Variants in TYW1 observed in about 807,000 individuals in gnomAD.
TYW1 encodes the protein tRNA-yW synthesizing protein 1 homolog.
TYW1 carries 46 observed loss-of-function variants against 96.2 expected under a neutral mutation model. That is an observed-to-expected ratio of 0.48 (90% confidence interval 0.38 to 0.61). The LOEUF (loss-of-function observed/expected upper bound fraction) is 0.61, where lower values mean the gene tolerates loss of function less well. Ranked by LOEUF, TYW1 falls within the 20% of genes least tolerant of loss-of-function variation. The pLI is 0.00. For synonymous variants in TYW1, 274 were observed against 323.0 expected (o/e 0.85, Z 1.63); for missense variants, 684 against 909.6 (o/e 0.75, Z 3.19).
intron 13 of TYW1, among the ~76,000 whole-genome samples, chr7:67,143,054 CAA>C (rs35144189): frequency 2.9e-5 from 4 of 136,348 alleles, no homozygotes; most frequent in Admixed American, 1.5e-4. Flanking sequence ...AACTCCATCT[CAA>C]AAAAAAAAAA....
intron 7 of TYW1, among the ~76,000 whole-genome samples, chr7:67,035,734 A>G (rs540872426): frequency 8.2e-4 from 125 of 152,226 alleles, no homozygotes; most frequent in Middle Eastern, 3.4e-3. Context: ...GCCAGAGTAC[A>G]GTGGCGCCAT....
chr7:67,002,474 G>A (rs1008859443), intron 3 of TYW1, among the ~76,000 whole-genome samples: 2 of 152,202 alleles, frequency 1.3e-5, no homozygotes, highest in African/African-American at 4.8e-5. Context: ...CTCAGAAGGC[G>A]TAGCTTCATT....
intron 14 of TYW1, among the ~76,000 whole-genome samples, chr7:67,193,213 C>T (rs1484342550): frequency 6.6e-6 from 1 of 152,182 alleles, no homozygotes; most frequent in Non-Finnish European, 1.5e-5. Flanking sequence ...CTGTAGGGCA[C>T]AGTTTCAGCT....
chr7:67,075,291 T>A (rs1562999025), intron 10 of TYW1, among the ~76,000 whole-genome samples: 2 of 152,338 alleles, frequency 1.3e-5, no homozygotes, highest in South Asian at 2.1e-4. Context: ...AAATTTTGAA[T>A]CAAGGGTTTT....
intron 12 of TYW1, among the ~76,000 whole-genome samples, chr7:67,108,556 C>G (rs1406432606): frequency 6.6e-6 from 1 of 151,854 alleles, no homozygotes; most frequent in African/African-American, 2.4e-5. Flanking sequence ...ATTCTCCCAC[C>G]TCACCATCCC....
intron 6 of TYW1, among the ~76,000 whole-genome samples, chr7:67,020,942 C>A (rs953988716): frequency 6.6e-6 from 1 of 152,268 alleles, no homozygotes; most frequent in African/African-American, 2.4e-5. Flanking sequence ...GCAGGAGAAT[C>A]GCTTGAACTT....
intron 15 of TYW1, among the ~76,000 whole-genome samples, chr7:67,208,520 T>C (rs1800887888): frequency 6.6e-6 from 1 of 151,688 alleles, no homozygotes; most frequent in Non-Finnish European, 1.5e-5. Flanking sequence ...TGAATCCCCA[T>C]CTCTACTATA....
intron 13 of TYW1, among the ~76,000 whole-genome samples, chr7:67,134,511 C>G (rs1447424349): frequency 6.6e-6 from 1 of 151,058 alleles, no homozygotes; most frequent in Non-Finnish European, 1.5e-5. Context: ...TACTGCACTC[C>G]AGGCTAGGTG....
chr7:67,021,581 C>G (rs1794277028), intron 6 of TYW1, among the ~76,000 whole-genome samples: 1 of 151,778 alleles, frequency 6.6e-6, no homozygotes, highest in African/African-American at 2.4e-5. Context: ...TAAACCCTTT[C>G]ATTAAAGCAT....
Position 67,112,100 on chromosome 7 carries a change from C to CAAAAAAAAAAAAAAAAAA in TYW1, c.1563-5377_1563-5360dup, listed in dbSNP as rs538839042. Among the ~76,000 whole-genome samples, 84 of 94,830 alleles carry CAAAAAAAAAAAAAAAAAA rather than the reference C, an allele frequency of 8.9e-4. 1 individual carries two copies. Among genetic ancestry groups the CAAAAAAAAAAAAAAAAAA allele is most frequent in the Admixed American group, 3.0e-3 (22 of 7,336 alleles). The allele number at this position is 94,830 out of a possible 152,430, so 62.2% of individuals were successfully genotyped here. On this transcript the variant is annotated intron_variant, in intron 12 of 15. Transcript: ENST00000359626. Reference sequence around the variant, plus strand: ...GGTGACAGAGCGAGACTCTGTCTGACAAAAAAAAAAAAAAAAAAAAAAAGA... The same window carrying CAAAAAAAAAAAAAAAAAA: ...GGTGACAGAGCGAGACTCTGTCTGACAAAAAAAAAAAAAAAAAAAAAAAAAAAAAAAAAAAAAAAAAGA...
At chr7:67,157,202 C>T (rs1271832803) in intron 13 of TYW1, among the ~76,000 whole-genome samples, 1 of 152,134 alleles carries the variant, frequency 6.6e-6, no homozygotes, top group East Asian at 1.9e-4. Context: ...CATGCACACC[C>T]CCTTTCCCAG....
chr7:67,018,204 T>C (rs1388251671), intron 6 of TYW1, 61 bp downstream of exon 6: 2 of 1,564,398 alleles, frequency 1.3e-6, no homozygotes, highest in East Asian at 2.3e-5. Flanking sequence ...ATCTCGAGCT[T>C]GACCTCTTTC....
intron 13 of TYW1, among the ~76,000 whole-genome samples, chr7:67,152,466 C>T (rs1389256422): frequency 6.6e-6 from 1 of 152,064 alleles, no homozygotes; most frequent in Admixed American, 6.6e-5. Flanking sequence ...TGGCATCTTC[C>T]CCTCATCTTT....
At chr7:67,029,692 G>C (rs1363081189) in intron 7 of TYW1, among the ~76,000 whole-genome samples, 2 of 151,826 alleles carry the variant, frequency 1.3e-5, no homozygotes, top group African/African-American at 4.8e-5. Context: ...AAGATTGCAG[G>C]TTTGTTTTTT....
At position 66,997,038 on chromosome 7, in the gene TYW1, C is replaced by T. The variant is rs919680938; in HGVS notation, c.4+56C>T. Reference sequence around the variant, plus strand: ...GGCGGCAGGGGAGGTAAACGTTTTACTGAGACCCTCTCCGGGCGGAGTGGC... The same window carrying T: ...GGCGGCAGGGGAGGTAAACGTTTTATTGAGACCCTCTCCGGGCGGAGTGGC... On this transcript the variant is annotated intron_variant, in intron 1 of 15. Coordinates refer to ENST00000359626, the MANE Select transcript of TYW1 (RefSeq NM_018264.4). 2.5e-6 allele frequency: 4 copies of T among 1,610,148 alleles called. No individual in the cohort carries two copies. In the African/African-American group the frequency reaches 4.0e-5, roughly 16 times the overall value.
At chr7:67,137,019 C>T (rs1399020619) in intron 13 of TYW1, among the ~76,000 whole-genome samples, 3 of 143,438 alleles carry the variant, frequency 2.1e-5, no homozygotes, top group Non-Finnish European at 4.5e-5. Context: ...GACGGGGTTT[C>T]ACCATGTTGG....
At chr7:67,169,974 A>G (rs976852420) in intron 13 of TYW1, among the ~76,000 whole-genome samples, 3 of 151,618 alleles carry the variant, frequency 2.0e-5, no homozygotes, top group East Asian at 3.9e-4. Context: ...TGAAAAGTCC[A>G]TTGTATCTTT....
intron 8 of TYW1, among the ~76,000 whole-genome samples, chr7:67,052,908 AT>A: frequency 6.6e-6 from 1 of 151,238 alleles, no homozygotes. Context: ...CGCCTGGCTA[AT>A]TTTTTGTATT....
At chr7:67,104,223 C>G (rs1024955868) in intron 12 of TYW1, among the ~76,000 whole-genome samples, 1 of 152,076 alleles carries the variant, frequency 6.6e-6, no homozygotes, top group Non-Finnish European at 1.5e-5. Context: ...CTCGCATTGC[C>G]ATAAGGAATT....
Sources: allele counts gnomAD v4.1 joint callset (sites outside exome capture counted in the v4.1 genomes callset), GRCh38; gene constraint gnomAD v4.1.1; transcripts MANE v1.5; gene names NCBI Gene and HGNC (gene_info 2026-07-23, HGNC 2026-07-21).